WDR81: variants seen among roughly 807,000 people sequenced by gnomAD.
WDR81 encodes the protein WD repeat domain 81.
WDR81 carries 92 observed loss-of-function variants against 140.8 expected under a neutral mutation model. That is an observed-to-expected ratio of 0.65 (90% CI 0.55 to 0.78). The LOEUF is 0.78. Among genes scored for constraint, WDR81 ranks in the 30% least tolerant of loss-of-function variants. The pLI is 0.00. For missense variants in WDR81, 2,502 were observed against 2,636.4 expected, an observed-to-expected ratio of 0.95 and a Z score of 1.12; for synonymous variants, 1,183 against 1,156.4, an observed-to-expected ratio of 1.02 and a Z score of -0.47.
At chr17:1,716,810 G>C (rs1192245981) in intron 1 of WDR81, 14 of 713,512 alleles carry the variant, frequency 2.0e-5, no homozygotes, top group Non-Finnish European at 3.0e-5. Flanking sequence ...CAAGGAGCAG[G>C]AGTGGGCAGA....
rs370484745 is a variant in WDR81 at position 1,731,142 on chromosome 17, G to A, written c.4041G>A (p.Thr1347=). 15 of 1,613,194 alleles carry A rather than the reference G, an allele frequency of 9.3e-6. No homozygotes were observed. In the Admixed American group the frequency reaches 1.3e-4, roughly 14 times the overall value. The change falls in exon 4 of 10, where the codon ACG becomes ACA. Residue 1347 remains threonine, a synonymous_variant. Coordinates refer to ENST00000409644, the MANE Select transcript of WDR81 (RefSeq NM_001163809.2). ...AGGCGGGGCTGCTGGCCGCGGTGAC[G>A]CTGACTCAGAAGATCATCGTGTACC... ...RKEAGLLAAV[T]LTQKIIVYLS...
At chr17:1,732,939 G>A in intron 6 of WDR81, 108 bp downstream of exon 6, 1 of 1,407,214 alleles carries the variant, frequency 7.1e-7, no homozygotes, top group Non-Finnish European at 9.6e-7. Flanking sequence ...CTAAGAGCCA[G>A]CAGGATGGGT....
chr17:1,732,430 G>A lies in WDR81; in HGVS notation c.4263G>A (p.Leu1421=). ...GACAGGAGATGGTCCAGCAGCACCTGAGCGAGCCCGTGGCCACCTTTTTCC... is the reference window on the plus strand; with the variant it reads ...GACAGGAGATGGTCCAGCAGCACCTAAGCGAGCCCGTGGCCACCTTTTTCC... ...RIGQEMVQQH[L]SEPVATFFQV... Residue 1421 remains leucine, a synonymous_variant, in exon 5 of 10, where the codon CTG becomes CTA. Coordinates refer to ENST00000409644, the MANE Select transcript of WDR81 (RefSeq NM_001163809.2). The A allele has an allele frequency of 6.2e-7, 1 of 1,613,592 alleles. No individual in the cohort carries two copies.
At position 1,727,143 on chromosome 17, in the gene WDR81, G is replaced by A; in HGVS notation, c.2184G>A (p.Met728Ile). Residue 728 changes from methionine (M) to isoleucine (I), a missense_variant, in exon 1 of 10, where the codon ATG becomes ATA. By Grantham distance (10) the Met-to-Ile change is conservative. Coordinates refer to ENST00000409644, the MANE Select transcript of WDR81 (RefSeq NM_001163809.2). ...TTCTTCCCGAGGGCTTCAATCCCAT[G>A]CAGGCCCTGGAGGAGCTGGAGAAAA... ...RILLPEGFNP[M>I]QALEELEKTG... 6.5e-7 allele frequency: 1 copy of A among 1,547,848 alleles called. No homozygotes were observed. The highest frequency in any genetic ancestry group is 2.4e-5 in the East Asian group (1 of 40,860).
At chr17:1,723,146 A>G (rs1314095565), upstream of WDR81, among the ~76,000 whole-genome samples, 1 of 152,160 alleles carries the variant, frequency 6.6e-6, no homozygotes, top group Non-Finnish European at 1.5e-5. Context: ...GATGAGTCAG[A>G]ACTAAGACCC....
In WDR81 at chr17:1,730,431, T is replaced by C; in HGVS notation, c.3719T>C (p.Val1240Ala). The change falls in exon 2 of 10, where the codon GTG (valine) becomes GCG (alanine). Residue 1240 changes from valine (V) to alanine (A), a missense_variant. By Grantham distance (64) the Val-to-Ala change is moderately conservative (BLOSUM62 0). This residue lies in a region of WDR81 where 1,737 missense variants were observed against 1,843.0 expected (regional missense o/e 0.94). Transcript: ENST00000409644. Reference sequence around the variant, plus strand: ...CTGTCTGCCAAGCTCGGCCCCACAGTGGCCTCTCGCCACGTGGCCCGGAAC... The same window carrying C: ...CTGTCTGCCAAGCTCGGCCCCACAGCGGCCTCTCGCCACGTGGCCCGGAAC... Reference protein sequence around the residue: ...RWLSAKLGPTVASRHVARNLL... With the variant: ...RWLSAKLGPTAASRHVARNLL... The C allele has an allele frequency of 6.2e-7, 1 of 1,613,234 alleles. No individual in the cohort carries two copies. The highest frequency in any genetic ancestry group is 8.5e-7 in the Non-Finnish European group (1 of 1,179,958).
intron 4 of WDR81, among the ~76,000 whole-genome samples, chr17:1,731,474 T>C (rs1000833904): frequency 2.0e-5 from 3 of 152,218 alleles, no homozygotes; most frequent in African/African-American, 7.2e-5. Flanking sequence ...GCTCTTTCAT[T>C]TAAAGCTTTT....
rs1915112582 is a variant in WDR81 at position 1,724,845 on chromosome 17, C to A, written c.-115C>A. 1.6e-5 allele frequency: 20 copies of A among 1,221,562 alleles called. No individual in the cohort carries two copies. Among genetic ancestry groups the A allele is most frequent in the South Asian group, 4.0e-5 (1 of 24,698 alleles). 75.7% of individuals were successfully genotyped at this position (1,221,562 alleles called of 1,614,324 possible). On this transcript the variant is annotated 5_prime_UTR_variant, in exon 1 of 10. Transcript: ENST00000409644. Reference sequence around the variant, plus strand: ...GCCGGCTTCCTGCGGCCGCCTCCGCCCCAGCCCCTGTCCCGCGCCCATCCC... The same window carrying A: ...GCCGGCTTCCTGCGGCCGCCTCCGCACCAGCCCCTGTCCCGCGCCCATCCC...
chr17:1,733,559 G>A lies in WDR81; in HGVS notation c.4522G>A (p.Glu1508Lys), dbSNP rs745403738. The change falls in exon 7 of 10, where the codon GAG becomes AAG. Residue 1508 changes from glutamate (E) to lysine (K), a missense_variant. By Grantham distance (56) the Glu-to-Lys change is moderately conservative. Coordinates refer to ENST00000409644, the MANE Select transcript of WDR81 (RefSeq NM_001163809.2). Reference sequence around the variant, plus strand: ...CATCCGGAAAATCATCCCCAACCACGAGCTGGTTGGGGAGCTGGCGGCGCT... The same window carrying A: ...CATCCGGAAAATCATCCCCAACCACAAGCTGGTTGGGGAGCTGGCGGCGCT... ...DIIRKIIPNHELVGELAALYL... is the reference protein window; with the variant it reads ...DIIRKIIPNHKLVGELAALYL... 22 of 1,519,674 alleles carry A rather than the reference G, an allele frequency of 1.4e-5. No individual in the cohort carries two copies. The highest frequency in any genetic ancestry group is 1.8e-4 in the Middle Eastern group (1 of 5,642). 94.1% of individuals were successfully genotyped at this position (1,519,674 alleles called of 1,614,324 possible). A position where few individuals can be genotyped will look rare whatever the true frequency, so the allele number is the denominator to read the frequency against.
chr17:1,727,778 A>G lies in WDR81; in HGVS notation c.2819A>G (p.Tyr940Cys), dbSNP rs1215799998. The change falls in exon 1 of 10, where the codon TAC becomes TGC. Residue 940 changes from tyrosine (Y) to cysteine (C), a missense_variant. Tyr to Cys is a radical substitution (Grantham distance 194). This residue lies in a region of WDR81 where 1,737 missense variants were observed against 1,843.0 expected (regional missense o/e 0.94). Coordinates refer to ENST00000409644, the MANE Select transcript of WDR81 (RefSeq NM_001163809.2). ...SLMSEEHTAV[Y>C]TAWYLFEPVA... The stretch of plus-strand genomic sequence containing the variant: ...ATGTCCGAGGAGCACACAGCTGTGT[A>G]CACGGCCTGGTATCTGTTTGAGCCT... The G allele has an allele frequency of 3.9e-6, 6 of 1,550,764 alleles. No individual in the cohort carries two copies. In the South Asian group the frequency reaches 4.8e-5, roughly 12 times the overall value.
chr17:1,734,310 G>A (rs117387705), intron 7 of WDR81, 94 bp downstream of exon 7: 16,543 of 1,391,922 alleles, frequency 0.012, 113 homozygotes, highest in Non-Finnish European at 0.014. Context: ...GTAATGCTGC[G>A]GAGTTTGGGG....
chr17:1,736,555 T>C (rs1456411133), intron 9 of WDR81, among the ~76,000 whole-genome samples: 1 of 152,188 alleles, frequency 6.6e-6, no homozygotes, highest in Non-Finnish European at 1.5e-5. Flanking sequence ...GGTCAGGCCC[T>C]GTCCGTGACC....
chr17:1,731,343 C>T (rs1351390736), intron 4 of WDR81, 85 bp downstream of exon 4: 14 of 1,453,518 alleles, frequency 9.6e-6, no homozygotes, highest in African/African-American at 2.8e-5. Flanking sequence ...GGGGAGAGGA[C>T]GTAACACTGG....
chr17:1,737,062 A>G (rs1904932203), intron 9 of WDR81, among the ~76,000 whole-genome samples: 1 of 152,130 alleles, frequency 6.6e-6, no homozygotes. Flanking sequence ...CTGTTTGTGA[A>G]ATGGGGACAA....
In WDR81 at chr17:1,726,158, G is replaced by T; in HGVS notation, c.1199G>T (p.Arg400Leu). Residue 400 changes from arginine (R) to leucine (L), a missense_variant, in exon 1 of 10, where the codon CGC becomes CTC. This residue lies in a region of WDR81 where 218 missense variants were observed against 279.6 expected (regional missense o/e 0.78). Transcript: ENST00000409644. ...CCCCATGGGCGCTTCCGAGACCTGC[G>T]CAAGTCCAAGTTCCGCCTCAACAAG... ...TTPHGRFRDL[R>L]KSKFRLNKGD... 1 of 1,519,734 alleles carries T rather than the reference G, an allele frequency of 6.6e-7. No individual in the cohort carries two copies. Among genetic ancestry groups the T allele is most frequent in the Non-Finnish European group, 8.9e-7 (1 of 1,126,784 alleles). The allele number at this position is 1,519,734 out of a possible 1,614,324, so 94.1% of individuals were successfully genotyped here. A position where few individuals can be genotyped will look rare whatever the true frequency, so the allele number is the denominator to read the frequency against.
At chr17:1,721,411 C>T (rs140640155), upstream of WDR81, among the ~76,000 whole-genome samples, 962 of 151,832 alleles carry the variant, frequency 6.3e-3, 12 homozygotes, top group African/African-American at 0.022. Flanking sequence ...CTCAACTACT[C>T]GGGAGGCTGA....
intron 1 of WDR81, among the ~76,000 whole-genome samples, chr17:1,729,905 G>A (rs1375609705): frequency 6.6e-6 from 1 of 151,662 alleles, no homozygotes; most frequent in Non-Finnish European, 1.5e-5. Flanking sequence ...AAGGAGGAGA[G>A]TCAGGGCGGT....
upstream of WDR81, among the ~76,000 whole-genome samples, chr17:1,723,520 C>G (rs1173197702): frequency 6.9e-6 from 1 of 145,412 alleles, no homozygotes; most frequent in Non-Finnish European, 1.5e-5. Context: ...GAGTCTCGCT[C>G]TGTTGCCCAG....
chr17:1,727,025 T>G lies in WDR81; in HGVS notation c.2066T>G (p.Leu689Arg). The G allele has an allele frequency of 6.5e-7, 1 of 1,550,332 alleles. No homozygotes were observed. Among genetic ancestry groups the G allele is most frequent in the Non-Finnish European group, 8.7e-7 (1 of 1,146,954 alleles). Residue 689 changes from leucine (L) to arginine (R), a missense_variant, in exon 1 of 10, where the codon CTT (leucine) becomes CGT (arginine). Physicochemically the swap from Leu to Arg is moderately radical, Grantham distance 102. Around this residue, in one of 3 missense-constraint regions of WDR81, gnomAD observed 1,737 missense variants for 1,843.0 expected, o/e 0.94. Transcript: ENST00000409644. ...LGSSSQASPG[L>R]LSFSVASASR... is the part of the protein sequence containing the mutation. ...TCCTCCAGTCAAGCGTCCCCTGGAC[T>G]TCTCTCTTTCTCAGTGGCCTCAGCC...
Sources: gnomAD v4.1 joint callset for allele counts (sites outside exome capture counted in the v4.1 genomes callset) on GRCh38, gnomAD v4.1.1 for gene constraint, gnomAD v4.1.1 regional missense constraint, MANE v1.5 for transcripts, NCBI Gene and HGNC (gene_info 2026-07-23, HGNC 2026-07-21) for gene names.